The following USP14 variants were observed in gnomAD, a reference collection of about 807,000 sequenced individuals.
USP14 encodes ubiquitin carboxyl-terminal hydrolase 14.
In USP14, 38 loss-of-function variants were observed where a neutral mutation model predicts 76.5. The ratio of observed to expected loss-of-function variants is 0.50; its 90% CI spans 0.38 to 0.65. The LOEUF (loss-of-function observed/expected upper bound fraction) is 0.65, where lower values mean the gene tolerates loss of function less well. Among genes scored for constraint, USP14 ranks in the 30% least tolerant of loss-of-function variants. The pLI, the probability that USP14 is intolerant of heterozygous loss-of-function variation, is 0.00. For synonymous variants in USP14, 192 were observed against 191.7 expected (o/e 1.00, Z -0.01); for missense variants, 467 against 586.5 (o/e 0.80, Z 2.10).
Position 158,580 on chromosome 18 carries a change from C to CCGCCGCCACCACCG in USP14, c.-114_-101dup. On this transcript the variant is annotated 5_prime_UTR_variant, in exon 1 of 16. Coordinates refer to ENST00000261601, the MANE Select transcript of USP14 (RefSeq NM_005151.4). ...TTGAATGAGACTCGTCGCACCGAAG[C>CCGCCGCCACCACCG]CGCCGCCACCACCGCGCCTCCGCCT... The CCGCCGCCACCACCG allele has an allele frequency of 9.3e-7, 1 of 1,080,996 alleles. No homozygotes were observed. Among genetic ancestry groups the CCGCCGCCACCACCG allele is most frequent in the East Asian group, 3.0e-5 (1 of 33,540 alleles). 67.0% of individuals were successfully genotyped at this position (1,080,996 alleles called of 1,614,324 possible). A position where few individuals can be genotyped will look rare whatever the true frequency, so the allele number is the denominator to read the frequency against.
At chr18:176,812 A>G (rs1050954511) in intron 3 of USP14, among the ~76,000 whole-genome samples, 6 of 152,050 alleles carry the variant, frequency 3.9e-5, no homozygotes, top group Non-Finnish European at 7.4e-5. Context: ...TATGGTATGA[A>G]GTAGAGAGCT....
rs11336218 is a variant in USP14, at chr18:169,360, C to CA, written c.195+2563dup. Among the ~76,000 whole-genome samples, 763 of 79,184 alleles carry CA rather than the reference C, an allele frequency of 9.6e-3. 16 individuals carry two copies. The highest frequency in any genetic ancestry group is 0.024 in the African/African-American group (501 of 20,694). The allele number at this position is 79,184 out of a possible 152,430, so 51.9% of individuals were successfully genotyped here. ...TGGGCAACAGAGCAAGACTCTACCTCAAAAAAAAAAAAAAAAAAAAAAGAG... is the reference window on the plus strand; with the variant it reads ...TGGGCAACAGAGCAAGACTCTACCTCAAAAAAAAAAAAAAAAAAAAAAAGAG... On this transcript the variant is annotated intron_variant, in intron 3 of 15. Coordinates refer to ENST00000261601, the MANE Select transcript of USP14 (RefSeq NM_005151.4).
chr18:209,847 G>A, intron 13 of USP14, 124 bp from the exon 14 acceptor site: 1 of 642,870 alleles, frequency 1.6e-6, no homozygotes, highest in South Asian at 2.4e-5. Flanking sequence ...TAATTTGGAA[G>A]GTAGACTGTA....
chr18:176,703 G>T (rs1342909126), intron 3 of USP14, among the ~76,000 whole-genome samples: 11 of 151,996 alleles, frequency 7.2e-5, no homozygotes, highest in Admixed American at 5.9e-4. Flanking sequence ...GTCAGTTTTA[G>T]AAAATCTTCC....
chr18:207,412 G>A (rs1910558961), intron 13 of USP14, among the ~76,000 whole-genome samples: 1 of 145,012 alleles, frequency 6.9e-6, no homozygotes, highest in Non-Finnish European at 1.6e-5. Flanking sequence ...TATCTTAATA[G>A]TATTAAGACT....
chr18:186,136 A>G (rs1909923761), intron 5 of USP14, among the ~76,000 whole-genome samples: 1 of 152,192 alleles, frequency 6.6e-6, no homozygotes, highest in African/African-American at 2.4e-5. Context: ...ATATGATGAA[A>G]ATGCATCATA....
chr18:196,558 A>G (rs1910241954), intron 6 of USP14, 79 bp from the exon 7 acceptor site: 1 of 1,469,064 alleles, frequency 6.8e-7, no homozygotes, highest in South Asian at 1.4e-5. Context: ...TTTTGTTTGT[A>G]TTAATTAAAA....
rs1319320510 is a variant in USP14 at position 213,555 on chromosome 18, T to C, written c.*2271T>C. On this transcript the variant is annotated 3_prime_UTR_variant, in exon 16 of 16. Transcript: ENST00000261601. ...AGTCTTGATTCCTGAATGTGCCTTA[T>C]ATGCTGTGCCACTCACACCGAGGCC... The C allele has an allele frequency of 6.6e-6, 1 of 152,532 alleles. No individual in the cohort carries two copies. Among genetic ancestry groups the C allele is most frequent in the Non-Finnish European group, 1.5e-5 (1 of 68,036 alleles). 9.4% of individuals were successfully genotyped at this position (152,532 alleles called of 1,614,324 possible).
At position 196,757 on chromosome 18, in the gene USP14, A is replaced by G. The variant is rs757614604; in HGVS notation, c.584A>G (p.Tyr195Cys). The change falls in exon 7 of 16, where the codon TAT (tyrosine) becomes TGT (cysteine). Residue 195 changes from tyrosine (Y) to cysteine (C), a missense_variant. By Grantham distance (194) the Tyr-to-Cys change is radical. Transcript: ENST00000261601. ...GCCGAGAAAGGTGAACAAGGACAGT[A>G]TCTTCAACAGGTAATTAGGGCAAGG... ...QFAEKGEQGQYLQQDANECWI... is the reference protein window; with the variant it reads ...QFAEKGEQGQCLQQDANECWI... 2 of 1,613,484 alleles carry G rather than the reference A, an allele frequency of 1.2e-6. No homozygotes were observed. Among genetic ancestry groups the G allele is most frequent in the African/African-American group, 2.7e-5 (2 of 74,904 alleles).
Position 197,599 on chromosome 18 carries a change from C to CT in USP14, c.595-10dup, listed in dbSNP as rs755545639. ...TCACTGCCAGGATTACTTACTTTGT[C>CT]TTTTTTTACATTACAGGATGCTAAT... On this transcript the variant is annotated splice_polypyrimidine_tract_variant and intron_variant, in intron 7 of 15. Coordinates refer to ENST00000261601, the MANE Select transcript of USP14 (RefSeq NM_005151.4). 23 of 1,598,824 alleles carry CT rather than the reference C, an allele frequency of 1.4e-5. No homozygotes were observed. Among genetic ancestry groups the CT allele is most frequent in the Non-Finnish European group, 2.0e-5 (23 of 1,170,176 alleles).
At position 202,824 on chromosome 18, in the gene USP14, T is replaced by C; in HGVS notation, c.877-56T>C. ...AAGGCTTACTGGTGTGATTCTATAT[T>C]GCAGAAATAAAATTTTTAAAACTAA... On this transcript the variant is annotated intron_variant, in intron 10 of 15. Transcript: ENST00000261601. 7.0e-6 allele frequency: 11 copies of C among 1,566,980 alleles called. No individual in the cohort carries two copies. The South Asian group carries it at 1.2e-4, about 18-fold the overall frequency.
At chr18:189,566 T>A (rs993902307) in intron 5 of USP14, among the ~76,000 whole-genome samples, 1 of 151,996 alleles carries the variant, frequency 6.6e-6, no homozygotes, top group Non-Finnish European at 1.5e-5. Context: ...CACTGCAGCC[T>A]CCGCCTCCTG....
At position 172,304 on chromosome 18, in the gene USP14, A is replaced by G. The variant is rs190720322; in HGVS notation, c.195+5485A>G. Among the ~76,000 whole-genome samples, 240 of 152,334 alleles carry G rather than the reference A, an allele frequency of 1.6e-3. 1 individual carries two copies. Among genetic ancestry groups the G allele is most frequent in the Non-Finnish European group, 2.8e-3 (188 of 68,020 alleles). ...GACTGAATTGCCACAATCTCATGATACAACTTGAACAGATGAGGAGGTAAC... is the reference window on the plus strand; with the variant it reads ...GACTGAATTGCCACAATCTCATGATGCAACTTGAACAGATGAGGAGGTAAC... On this transcript the variant is annotated intron_variant, in intron 3 of 15. Transcript: ENST00000261601.
intron 5 of USP14, among the ~76,000 whole-genome samples, chr18:190,326 A>G (rs902792536): frequency 2.0e-5 from 3 of 152,238 alleles, no homozygotes; most frequent in Non-Finnish European, 4.4e-5. Flanking sequence ...CACAAAATAT[A>G]TATGAGTGAA....
intron 1 of USP14, among the ~76,000 whole-genome samples, chr18:160,380 A>G (rs1168840484): frequency 6.6e-6 from 1 of 152,140 alleles, no homozygotes; most frequent in African/African-American, 2.4e-5. Context: ...AATTAAAGCC[A>G]GGGGCCATGA....
intron 6 of USP14, among the ~76,000 whole-genome samples, chr18:194,802 A>G (rs1313122798): frequency 6.6e-6 from 1 of 152,098 alleles, no homozygotes; most frequent in Non-Finnish European, 1.5e-5. Context: ...GTGTTGGTGC[A>G]TGTCTGTAAT....
chr18:185,812 G>C (rs1216806504), intron 5 of USP14, among the ~76,000 whole-genome samples: 2 of 151,416 alleles, frequency 1.3e-5, no homozygotes, highest in Non-Finnish European at 2.9e-5. Flanking sequence ...TCCTGACTTG[G>C]CTTCCCGAGC....
chr18:165,882 C>CAA (rs1401474762), intron 2 of USP14, among the ~76,000 whole-genome samples: 1 of 152,208 alleles, frequency 6.6e-6, no homozygotes, highest in East Asian at 1.9e-4. Flanking sequence ...GAAGGGTAGA[C>CAA]AAGCATATTG....
In USP14 at chr18:211,249, A is replaced by G; in HGVS notation, c.1450A>G (p.Arg484Gly). ...TTACGTTCTACTCTATGGGCCTCGC[A>G]GAGTTGAAATAATGGAAGAGGAAAG... ...IAYVLLYGPR[R>G]VEIMEEESEQ The change falls in exon 16 of 16, where the codon AGA becomes GGA. Residue 484 changes from arginine to glycine, a missense_variant. By Grantham distance (125) the Arg-to-Gly change is moderately radical (BLOSUM62 -2). Coordinates refer to ENST00000261601, the MANE Select transcript of USP14 (RefSeq NM_005151.4). 6.2e-7 allele frequency: 1 copy of G among 1,612,746 alleles called. No homozygotes were observed. Among genetic ancestry groups the G allele is most frequent in the South Asian group, 1.1e-5 (1 of 90,804 alleles).
Sources: allele counts gnomAD v4.1 joint callset (sites outside exome capture counted in the v4.1 genomes callset), GRCh38; gene constraint gnomAD v4.1.1; transcripts MANE v1.5; gene names NCBI Gene and HGNC (gene_info 2026-07-23, HGNC 2026-07-21).